The following DNAH9 variants were observed in gnomAD, a reference collection of about 807,000 sequenced individuals.
DNAH9 encodes the protein dynein axonemal heavy chain 9.
Under a neutral mutation model 471.6 loss-of-function variants are expected in DNAH9, and 345 were observed. The ratio of observed to expected loss-of-function variants is 0.73; its 90% CI spans 0.67 to 0.80. The LOEUF (loss-of-function observed/expected upper bound fraction) is 0.80. Among genes scored for constraint, DNAH9 ranks in the 30% least tolerant of loss-of-function variants. The pLI is 0.00. For missense variants in DNAH9, 5,407 were observed against 5,609.2 expected (o/e 0.96, Z 1.15); for synonymous variants, 2,093 against 2,123.6 (o/e 0.99, Z 0.40).
At chr17:11,714,062 T>A (rs1411627597) in intron 26 of DNAH9, among the ~76,000 whole-genome samples, 1 of 152,170 alleles carries the variant, frequency 6.6e-6, no homozygotes, top group African/African-American at 2.4e-5. Flanking sequence ...GATCCTAGAA[T>A]TGGGGGCATT....
chr17:11,762,770 G>GTTTGTTTGTT lies in DNAH9; in HGVS notation c.6996-667_6996-666insGTTTGTTTTT, dbSNP rs1193246497. Among the ~76,000 whole-genome samples, 90 of 90,784 alleles carry GTTTGTTTGTT rather than the reference G, an allele frequency of 9.9e-4. 1 individual carries two copies. The highest frequency in any genetic ancestry group is 3.3e-3 in the East Asian group (10 of 3,030). 59.6% of individuals were successfully genotyped at this position (90,784 alleles called of 152,430 possible). On this transcript the variant is annotated intron_variant, in intron 35 of 68. Transcript: ENST00000262442. Reference sequence around the variant, plus strand: ...CCTCTTTAGGTGCGTTTTTTTTTTTGTTTTTTTTTTTTTTTTTTTTTTTTT... The same window carrying GTTTGTTTGTT: ...CCTCTTTAGGTGCGTTTTTTTTTTTGTTTGTTTGTTTTTTTTTTTTTTTTTTTTTTTTTTT...
intron 48 of DNAH9, among the ~76,000 whole-genome samples, chr17:11,830,378 A>G (rs1464399151): frequency 1.3e-5 from 2 of 152,232 alleles, no homozygotes; most frequent in Non-Finnish European, 2.9e-5. Flanking sequence ...GCCATTGCCA[A>G]TTGCCTGCAT....
intron 26 of DNAH9, among the ~76,000 whole-genome samples, chr17:11,718,044 G>GTA (rs1299978631): frequency 1.3e-5 from 2 of 151,354 alleles, no homozygotes; most frequent in Non-Finnish European, 2.9e-5. Flanking sequence ...CATCTCATTT[G>GTA]TGTGTGTGTG....
At chr17:11,822,172 G>A in intron 46 of DNAH9, 110 bp downstream of exon 46, 2 of 1,315,614 alleles carry the variant, frequency 1.5e-6, no homozygotes, top group Admixed American at 4.8e-5. Flanking sequence ...AGTAGGTGGT[G>A]AGTGTGCGGC....
At chr17:11,877,674 TAAA>T (rs1380616329) in intron 53 of DNAH9, among the ~76,000 whole-genome samples, 1 of 152,040 alleles carries the variant, frequency 6.6e-6, no homozygotes, top group African/African-American at 2.4e-5. Context: ...CACATGATGT[TAAA>T]AATAATAGTT....
At chr17:11,896,826 C>T (rs369683651) in intron 59 of DNAH9, among the ~76,000 whole-genome samples, 2 of 152,180 alleles carry the variant, frequency 1.3e-5, no homozygotes, top group Non-Finnish European at 2.9e-5. Flanking sequence ...CACGGTGGCT[C>T]ACGTCTGTAA....
Position 11,636,714 on chromosome 17 carries a change from A to G in DNAH9, c.1716A>G (p.Gln572=), listed in dbSNP as rs767236602. ...DTSDKYLVLI[Q]MFNKDLDAVR... The stretch of plus-strand genomic sequence containing the variant: ...CTGATAAATACCTGGTCCTCATCCA[A>G]ATGTTCAACAAAGATCTGGATGCAG... The change falls in exon 9 of 69, where the codon CAA becomes CAG. Residue 572 remains glutamine, a synonymous_variant. Transcript: ENST00000262442. 4 of 1,613,680 alleles carry G rather than the reference A, an allele frequency of 2.5e-6. No homozygotes were observed. In the East Asian group the frequency reaches 8.9e-5, roughly 36 times the overall value.
chr17:11,891,062 TTAAA>T (rs1262082342), intron 57 of DNAH9, among the ~76,000 whole-genome samples: 1 of 152,226 alleles, frequency 6.6e-6, no homozygotes, highest in African/African-American at 2.4e-5. Flanking sequence ...ATTTACTTTT[TTAAA>T]TAGTCAATAT....
At chr17:11,631,638 C>CT (rs1735681214) in intron 7 of DNAH9, among the ~76,000 whole-genome samples, 1 of 117,678 alleles carries the variant, frequency 8.5e-6, no homozygotes, top group South Asian at 2.4e-4. Context: ...GAGACTCTGT[C>CT]TCAAAAAAAA....
rs369944919 is a variant in DNAH9, at chr17:11,914,755, G to A, written c.11749+8946G>A. Among the ~76,000 whole-genome samples, 38 of 151,986 alleles carry A rather than the reference G, an allele frequency of 2.5e-4. No individual in the cohort carries two copies. In the South Asian group the frequency reaches 7.5e-3, roughly 30 times the overall value. ...TGTCGGTGACCTGTTTTTATTCCCC[G>A]AAAACTTTAGAATAATCTCTCTACC... is the stretch of plus-strand genomic sequence containing the variant. On this transcript the variant is annotated intron_variant, in intron 61 of 68. Coordinates refer to ENST00000262442, the MANE Select transcript of DNAH9 (RefSeq NM_001372.4).
intron 38 of DNAH9, among the ~76,000 whole-genome samples, chr17:11,769,743 G>C (rs1181458813): frequency 6.6e-6 from 1 of 152,170 alleles, no homozygotes; most frequent in African/African-American, 2.4e-5. Flanking sequence ...CAGGTAAAAG[G>C]ATGTGATTGC....
At chr17:11,754,243 T>C (rs1006074257) in intron 33 of DNAH9, among the ~76,000 whole-genome samples, 1 of 152,160 alleles carries the variant, frequency 6.6e-6, no homozygotes, top group African/African-American at 2.4e-5. Flanking sequence ...GGCATTTAGG[T>C]TGGTTCCATG....
intron 27 of DNAH9, 30 bp from the exon 28 acceptor site, chr17:11,727,788 G>A: frequency 6.7e-7 from 1 of 1,493,540 alleles, no homozygotes; most frequent in Admixed American, 1.7e-5. Context: ...TGGCCCGTTG[G>A]TAATTTAATC....
rs188441430 is a variant in DNAH9, at chr17:11,945,611, A to C, written c.12843+3126A>C. 1.6e-3 allele frequency among the ~76,000 whole-genome samples: 242 copies of C among 152,148 alleles called. 2 individuals are homozygous for C. Among genetic ancestry groups the C allele is most frequent in the African/African-American group, 5.3e-3 (219 of 41,518 alleles). Reference sequence around the variant, plus strand: ...ACGATGGGAATACACAGACATACAAAGTGGAATAACCAATATTGGAGGTGG... The same window carrying C: ...ACGATGGGAATACACAGACATACAACGTGGAATAACCAATATTGGAGGTGG... On this transcript the variant is annotated intron_variant, in intron 67 of 68. Coordinates refer to ENST00000262442, the MANE Select transcript of DNAH9 (RefSeq NM_001372.4).
At chr17:11,709,237 TGAAAG>T (rs545377813) in intron 26 of DNAH9, among the ~76,000 whole-genome samples, 145 of 152,306 alleles carry the variant, frequency 9.5e-4, no homozygotes, top group African/African-American at 3.3e-3. Flanking sequence ...AATAAGAACT[TGAAAG>T]GAAGGTTAGC....
rs746114434 is a variant in DNAH9, at chr17:11,891,778, C to T, written c.11114C>T (p.Ala3705Val). The change falls in exon 58 of 69, where the codon GCC becomes GTC. Residue 3705 changes from alanine to valine, a missense_variant and splice_region_variant. This residue lies in a region of DNAH9 where 4,636 missense variants were observed against 4,900.3 expected (regional missense o/e 0.95). Coordinates refer to ENST00000262442, the MANE Select transcript of DNAH9 (RefSeq NM_001372.4). ...IHPMYQFSLK[A>V]FSIVFQKAVE... is the part of the protein sequence containing the mutation. ...CAGTTTCCTGTCTTCTGTCCCCAGG[C>T]CTTCAGTATCGTCTTCCAGAAGGCT... is the stretch of plus-strand genomic sequence containing the variant. The T allele has an allele frequency of 6.2e-7, 1 of 1,613,904 alleles. No homozygotes were observed. Among genetic ancestry groups the T allele is most frequent in the South Asian group, 1.1e-5 (1 of 91,052 alleles).
At chr17:11,827,396 G>A (rs755384156) in intron 48 of DNAH9, among the ~76,000 whole-genome samples, 28 of 152,148 alleles carry the variant, frequency 1.8e-4, no homozygotes, top group Non-Finnish European at 3.8e-4. Flanking sequence ...AGGGGAAGGC[G>A]AAGGAGGACC....
At chr17:11,628,397 T>A (rs1308221246) in intron 6 of DNAH9, among the ~76,000 whole-genome samples, 1 of 152,196 alleles carries the variant, frequency 6.6e-6, no homozygotes, top group Non-Finnish European at 1.5e-5. Context: ...GCGATGATAC[T>A]GTGTGTGCAG....
At chr17:11,964,447 A>T (rs1486124498) in intron 68 of DNAH9, among the ~76,000 whole-genome samples, 1 of 152,150 alleles carries the variant, frequency 6.6e-6, no homozygotes, top group Non-Finnish European at 1.5e-5. Context: ...ATAATAATAA[A>T]AACTTCCCCA....
Sources: gnomAD v4.1 joint callset for allele counts (sites outside exome capture counted in the v4.1 genomes callset) on GRCh38, gnomAD v4.1.1 for gene constraint, gnomAD v4.1.1 regional missense constraint, MANE v1.5 for transcripts, NCBI Gene and HGNC (gene_info 2026-07-23, HGNC 2026-07-21) for gene names.